NME7: variants seen among roughly 807,000 people sequenced by gnomAD.
The protein encoded by NME7 is nucleoside diphosphate kinase 7.
In NME7, 41 loss-of-function variants were observed where a neutral mutation model predicts 49.1. That is an observed-to-expected ratio of 0.83 (90% CI 0.65 to 1.08). The LOEUF (loss-of-function observed/expected upper bound fraction) is 1.08, where lower values mean the gene tolerates loss of function less well. NME7 is among the 50% of genes least tolerant of loss of function. NME7 has a pLI of 0.00. For synonymous variants in NME7, 139 were observed against 150.6 expected, an observed-to-expected ratio of 0.92 and a Z score of 0.56; for missense variants, 423 against 463.4, an observed-to-expected ratio of 0.91 and a Z score of 0.80.
chr1:169,178,390 C>T (rs1659821541), intron 10 of NME7, among the ~76,000 whole-genome samples: 1 of 152,098 alleles, frequency 6.6e-6, no homozygotes, highest in Non-Finnish European at 1.5e-5. Context: ...TACAGGCAGA[C>T]AAGGTAGGAG....
intron 7 of NME7, 184 bp downstream of exon 7, chr1:169,287,119 A>C: frequency 2.3e-6 from 1 of 443,382 alleles, no homozygotes; most frequent in Non-Finnish European, 3.8e-6. Context: ...ATCCACAAAG[A>C]AAAGACAAAT....
chr1:169,267,322 T>A (rs1649347023), intron 7 of NME7, among the ~76,000 whole-genome samples: 1 of 133,398 alleles, frequency 7.5e-6, no homozygotes, highest in African/African-American at 2.5e-5. Context: ...AGAATCAATA[T>A]CATTAAAATG....
intron 6 of NME7, among the ~76,000 whole-genome samples, chr1:169,287,844 A>AG (rs1157257692): frequency 6.6e-5 from 10 of 152,168 alleles, no homozygotes; most frequent in African/African-American, 2.4e-4. Flanking sequence ...CAGGAATCTG[A>AG]GAACTACAGC....
rs183826646 is a variant in NME7, at chr1:169,336,110, G to T, written c.4-11610C>A. ...GGTTCGTGGTCTCGCTGGCTCAGGA[G>T]TGAAGCTGCAGACCTTTGCGGTGAG... On this transcript the variant is annotated intron_variant, in intron 1 of 11. Coordinates refer to ENST00000367811, the MANE Select transcript of NME7 (RefSeq NM_013330.5). Among the ~76,000 whole-genome samples the T allele has an allele frequency of 3.1e-4, 47 of 152,078 alleles. 1 individual carries two copies. In the East Asian group the frequency reaches 9.1e-3, roughly 29 times the overall value.
chr1:169,250,721 C>T lies in NME7; in HGVS notation c.755-13034G>A, dbSNP rs537210038. ...AATTTTTAAAATTCCATCTTGATTTCACTGTTAACTCAAAAATCATCCAGG... is the reference window on the plus strand; with the variant it reads ...AATTTTTAAAATTCCATCTTGATTTTACTGTTAACTCAAAAATCATCCAGG... On this transcript the variant is annotated intron_variant, in intron 7 of 11. Transcript: ENST00000367811. Among the ~76,000 whole-genome samples, 241 of 152,018 alleles carry T rather than the reference C, an allele frequency of 1.6e-3. 4 individuals are homozygous for T. The highest frequency in any genetic ancestry group is 2.3e-3 in the Non-Finnish European group (153 of 67,980).
intron 11 of NME7, among the ~76,000 whole-genome samples, chr1:169,154,133 C>T (rs537932417): frequency 6.6e-6 from 1 of 152,232 alleles, no homozygotes; most frequent in Non-Finnish European, 1.5e-5. Flanking sequence ...CCTGCCTCAG[C>T]CTTTGGAGTA....
At chr1:169,302,537 A>C (rs1018600695) in intron 5 of NME7, among the ~76,000 whole-genome samples, 1 of 152,202 alleles carries the variant, frequency 6.6e-6, no homozygotes, top group African/African-American at 2.4e-5. Flanking sequence ...CTTACTTATA[A>C]GTGGGAACTA....
intron 10 of NME7, among the ~76,000 whole-genome samples, chr1:169,201,063 G>A (rs757235925): frequency 5.3e-4 from 80 of 151,908 alleles, no homozygotes; most frequent in African/African-American, 1.2e-3. Flanking sequence ...AGACCCTATC[G>A]CTACAAAAAT....
intron 10 of NME7, among the ~76,000 whole-genome samples, chr1:169,205,800 T>C (rs1382627320): frequency 1.3e-5 from 2 of 152,140 alleles, no homozygotes; most frequent in Non-Finnish European, 2.9e-5. Flanking sequence ...TTACTCAGAG[T>C]AAAAGCTAAA....
intron 10 of NME7, among the ~76,000 whole-genome samples, chr1:169,206,138 C>T (rs796907235): frequency 7.2e-5 from 11 of 152,226 alleles, no homozygotes; most frequent in African/African-American, 2.2e-4. Flanking sequence ...CACTTACCAT[C>T]ATATTATATA....
At chr1:169,358,355 C>A (rs544861818) in intron 1 of NME7, among the ~76,000 whole-genome samples, 1 of 152,054 alleles carries the variant, frequency 6.6e-6, no homozygotes, top group South Asian at 2.1e-4. Context: ...GAGAAAATAA[C>A]TATCCAAAAA....
chr1:169,192,504 A>G (rs945119645), intron 10 of NME7, among the ~76,000 whole-genome samples: 1 of 152,084 alleles, frequency 6.6e-6, no homozygotes, highest in African/African-American at 2.4e-5. Flanking sequence ...CAATTACTAC[A>G]CTATTTTATA....
At chr1:169,229,113 A>G (rs886216916) in intron 10 of NME7, among the ~76,000 whole-genome samples, 1 of 152,224 alleles carries the variant, frequency 6.6e-6, no homozygotes, top group African/African-American at 2.4e-5. Flanking sequence ...AAGGAATTCC[A>G]ATTTCCTATG....
intron 5 of NME7, among the ~76,000 whole-genome samples, chr1:169,299,973 T>C (rs1447728235): frequency 6.6e-6 from 1 of 152,068 alleles, no homozygotes; most frequent in Non-Finnish European, 1.5e-5. Flanking sequence ...AGATCCCCCT[T>C]CAAGACACTT....
At chr1:169,220,221 T>C (rs998775009) in intron 10 of NME7, among the ~76,000 whole-genome samples, 5 of 152,212 alleles carry the variant, frequency 3.3e-5, no homozygotes, top group African/African-American at 4.8e-5. Context: ...ATAAATCTAA[T>C]TGACCTTTTG....
intron 4 of NME7, 156 bp from the exon 5 acceptor site, chr1:169,303,351 CTT>C (rs1430333581): frequency 3.0e-6 from 1 of 338,882 alleles, no homozygotes; most frequent in Non-Finnish European, 5.3e-6. Flanking sequence ...CAAAGCCACT[CTT>C]TTAAAATATT....
intron 10 of NME7, among the ~76,000 whole-genome samples, chr1:169,174,567 A>G (rs566466280): frequency 6.6e-6 from 1 of 152,216 alleles, no homozygotes; most frequent in South Asian, 2.1e-4. Context: ...TGTGAACATC[A>G]TAGAGTGTAC....
At chr1:169,189,936 T>C (rs1404232260) in intron 10 of NME7, among the ~76,000 whole-genome samples, 3 of 152,178 alleles carry the variant, frequency 2.0e-5, no homozygotes, top group Non-Finnish European at 4.4e-5. Context: ...AGCTCTTTTG[T>C]ATATTAATGT....
chr1:169,154,118 A>G (rs1394519230), intron 11 of NME7, among the ~76,000 whole-genome samples: 1 of 152,076 alleles, frequency 6.6e-6, no homozygotes, highest in Non-Finnish European at 1.5e-5. Flanking sequence ...GGCTCAAGCA[A>G]TCTTCCTGCC....
Sources: allele counts gnomAD v4.1 joint callset (sites outside exome capture counted in the v4.1 genomes callset), GRCh38; gene constraint gnomAD v4.1.1; transcripts MANE v1.5; gene names NCBI Gene and HGNC (gene_info 2026-07-23, HGNC 2026-07-21).